The following GNG7 variants were observed in gnomAD, a reference collection of about 807,000 sequenced individuals.
The protein encoded by GNG7 is guanine nucleotide-binding protein G(I)/G(S)/G(O) subunit gamma-7.
In GNG7, 1 loss-of-function variant was observed where a neutral mutation model predicts 4.0. That is an observed-to-expected ratio of 0.25 (90% CI 0.09 to 1.18). The LOEUF is 1.18. GNG7 is among the 50% of genes most tolerant of loss of function. The pLI, the probability that GNG7 is intolerant of heterozygous loss-of-function variation, is 0.50. For missense variants in GNG7, 86 were observed against 91.9 expected (o/e 0.94, Z 0.26); for synonymous variants, 34 against 36.9 (o/e 0.92, Z 0.29).
chr19:2,523,173 C>T (rs1228080361), intron 3 of GNG7, among the ~76,000 whole-genome samples: 4 of 151,682 alleles, frequency 2.6e-5, no homozygotes, highest in Non-Finnish European at 4.4e-5. Context: ...GGCCCAAGGA[C>T]GAAATTTTAG....
chr19:2,552,243 C>T (rs910935286), intron 3 of GNG7, among the ~76,000 whole-genome samples: 4 of 152,022 alleles, frequency 2.6e-5, no homozygotes, highest in African/African-American at 9.7e-5. Context: ...GCGGAGTTTG[C>T]AGTAAGCTAA....
chr19:2,578,959 C>T (rs1980421058), intron 2 of GNG7, among the ~76,000 whole-genome samples: 2 of 152,262 alleles, frequency 1.3e-5, no homozygotes, highest in Non-Finnish European at 2.9e-5. Flanking sequence ...AAACCACCAG[C>T]GTGGCCCGGC....
At chr19:2,668,227 A>T (rs1983360126) in intron 1 of GNG7, among the ~76,000 whole-genome samples, 1 of 151,888 alleles carries the variant, frequency 6.6e-6, no homozygotes, top group Admixed American at 6.6e-5. Flanking sequence ...TATCAAAAAA[A>T]AAAAAGAGAC....
intron 3 of GNG7, among the ~76,000 whole-genome samples, chr19:2,553,577 T>C (rs1016188681): frequency 2.7e-5 from 4 of 149,366 alleles, no homozygotes; most frequent in Non-Finnish European, 5.9e-5. Context: ...ATAAATCATA[T>C]CACATACACG....
chr19:2,559,562 C>T lies in GNG7; in HGVS notation c.-77-4374G>A, dbSNP rs190991751. Among the ~76,000 whole-genome samples, 28 of 151,906 alleles carry T rather than the reference C, an allele frequency of 1.8e-4. 1 individual carries two copies. In the East Asian group the frequency reaches 5.4e-3, roughly 29 times the overall value. On this transcript the variant is annotated intron_variant, in intron 2 of 4. Coordinates refer to ENST00000382159, the MANE Select transcript of GNG7 (RefSeq NM_052847.3). Reference sequence around the variant, plus strand: ...TGGAGTTTGGCTCTTGTTGCCCAGGCTGGAGTACAATGGTGGATGTCGGCT... The same window carrying T: ...TGGAGTTTGGCTCTTGTTGCCCAGGTTGGAGTACAATGGTGGATGTCGGCT...
chr19:2,684,803 AC>A (rs1413761603), intron 1 of GNG7, among the ~76,000 whole-genome samples: 1 of 151,908 alleles, frequency 6.6e-6, no homozygotes, highest in Non-Finnish European at 1.5e-5. Context: ...AGCCTGGCCA[AC>A]ATGGAAAAAC....
At chr19:2,658,687 C>T (rs1983059356) in intron 1 of GNG7, among the ~76,000 whole-genome samples, 1 of 152,224 alleles carries the variant, frequency 6.6e-6, no homozygotes, top group Admixed American at 6.5e-5. Context: ...CTGTGTAACT[C>T]CACGCTTAGG....
intron 2 of GNG7, among the ~76,000 whole-genome samples, chr19:2,595,838 A>C (rs1434286615): frequency 6.6e-6 from 1 of 152,076 alleles, no homozygotes; most frequent in Non-Finnish European, 1.5e-5. Flanking sequence ...GTGAGTGTGC[A>C]TGTGTAGGAA....
intron 3 of GNG7, among the ~76,000 whole-genome samples, chr19:2,540,790 A>C (rs201349127): frequency 1.1e-3 from 163 of 152,322 alleles, no homozygotes; most frequent in African/African-American, 3.4e-3. Flanking sequence ...CTGTGATGCC[A>C]CGGCCACTCT....
At chr19:2,647,794 G>A (rs1015564633) in intron 1 of GNG7, among the ~76,000 whole-genome samples, 6 of 152,072 alleles carry the variant, frequency 3.9e-5, no homozygotes, top group Admixed American at 6.6e-5. Flanking sequence ...TTGGGGGGCC[G>A]AGGTGGGAGG....
intron 1 of GNG7, among the ~76,000 whole-genome samples, chr19:2,657,178 A>G (rs1208828151): frequency 2.7e-5 from 4 of 148,638 alleles, no homozygotes; most frequent in Non-Finnish European, 4.5e-5. Flanking sequence ...TACTAAAAAT[A>G]CAAAAATTAG....
intron 2 of GNG7, among the ~76,000 whole-genome samples, chr19:2,566,031 A>G (rs944852670): frequency 1.3e-5 from 2 of 151,634 alleles, no homozygotes; most frequent in Admixed American, 1.3e-4. Context: ...GGTGGTGGGC[A>G]CCTGTAATCC....
rs1428048324 is a variant in GNG7, at chr19:2,546,264, G to C, written c.-38+8885C>G. On this transcript the variant is annotated intron_variant, in intron 3 of 4. Transcript: ENST00000382159. This position sits in a 1 kb window ranked among gnomAD's most constrained non-coding sequence, Gnocchi z 6.3. ...AGGGCCCCCTCAGCAACCAGGGTCT[G>C]CATGCAGAGACCCTGCACCCAGCGT... Among the ~76,000 whole-genome samples, 1 of 152,228 alleles carries C rather than the reference G, an allele frequency of 6.6e-6. No individual in the cohort carries two copies. Among genetic ancestry groups the C allele is most frequent in the Non-Finnish European group, 1.5e-5 (1 of 68,040 alleles).
At chr19:2,553,686 T>A (rs1000255619) in intron 3 of GNG7, among the ~76,000 whole-genome samples, 1 of 123,396 alleles carries the variant, frequency 8.1e-6, no homozygotes, top group Non-Finnish European at 1.8e-5. Flanking sequence ...TATGTTATAT[T>A]ACACACATGT....
intron 2 of GNG7, chr19:2,632,672 GC>G (rs1319622030): frequency 6.6e-6 from 1 of 152,116 alleles, no homozygotes; most frequent in Non-Finnish European, 1.5e-5. Context: ...AGAGTCCCTG[GC>G]CTCCACCCAC....
rs949297299 is a variant in GNG7, at chr19:2,554,402, G to A, written c.-38+747C>T. Among the ~76,000 whole-genome samples, 15 of 149,288 alleles carry A rather than the reference G, an allele frequency of 1.0e-4. No individual in the cohort carries two copies. In the East Asian group the frequency reaches 2.0e-3, roughly 20 times the overall value. On this transcript the variant is annotated intron_variant, in intron 3 of 4. Coordinates refer to ENST00000382159, the MANE Select transcript of GNG7 (RefSeq NM_052847.3). ...TCTGTCACCTAGGCTGGAGTACAGT[G>A]GTGCAATCATAGCTCACTGCAACCC...
chr19:2,556,378 C>G (rs1217834713), intron 2 of GNG7, among the ~76,000 whole-genome samples: 1 of 152,200 alleles, frequency 6.6e-6, no homozygotes, highest in Non-Finnish European at 1.5e-5. Flanking sequence ...TGCTCGAGGC[C>G]GGGCTGGGCC....
At chr19:2,643,711 G>C (rs555198401) in intron 2 of GNG7, 20 of 449,940 alleles carry the variant, frequency 4.4e-5, no homozygotes, top group South Asian at 3.2e-4. Flanking sequence ...CTTCACTGGG[G>C]TGCAGTTACA....
chr19:2,643,242 T>A lies in GNG7; in HGVS notation c.-78+2982A>T, dbSNP rs1158972343. ...CTGTCCGCACTGGAAATGCAAAGTC[T>A]GAGCCTCTCCGGGCTCTGCACACCT... On this transcript the variant is annotated intron_variant, in intron 2 of 4. Transcript: ENST00000382159. 3 of 420,120 alleles carry A rather than the reference T, an allele frequency of 7.1e-6. No individual in the cohort carries two copies. In the East Asian group the frequency reaches 2.4e-4, roughly 33 times the overall value. The allele number at this position is 420,120 out of a possible 1,614,324, so 26.0% of individuals were successfully genotyped here.
Sources: allele counts gnomAD v4.1 joint callset (sites outside exome capture counted in the v4.1 genomes callset), GRCh38; gene constraint gnomAD v4.1.1; non-coding constraint Gnocchi (gnomAD v3.1); transcripts MANE v1.5; gene names NCBI Gene and HGNC (gene_info 2026-07-23, HGNC 2026-07-21).